Variants in ESRRG observed in about 807,000 individuals in gnomAD.
ESRRG encodes estrogen-related receptor gamma.
ESRRG carries 13 observed loss-of-function variants against 44.0 expected under a neutral mutation model. That is an observed-to-expected ratio of 0.30 (90% confidence interval 0.19 to 0.47). The LOEUF (loss-of-function observed/expected upper bound fraction) is 0.47. Among genes scored for constraint, ESRRG ranks in the 20% least tolerant of loss-of-function variants. The pLI is 1.00. For synonymous variants in ESRRG, 215 were observed against 214.6 expected, an observed-to-expected ratio of 1.00 and a Z score of -0.02; for missense variants, 395 against 580.6, an observed-to-expected ratio of 0.68 and a Z score of 3.29.
intron 2 of ESRRG, among the ~76,000 whole-genome samples, chr1:216,660,264 G>C (rs2071936108): frequency 6.6e-6 from 1 of 152,128 alleles, no homozygotes; most frequent in South Asian, 2.1e-4. Flanking sequence ...CTAAAACTGA[G>C]ATATCCCAAC....
At chr1:216,931,835 CAAA>C (rs56050369) in intron 2 of ESRRG, among the ~76,000 whole-genome samples, 1 of 130,976 alleles carries the variant, frequency 7.6e-6, no homozygotes. Context: ...TGAGAAACCA[CAAA>C]AAAAAAAAAA....
chr1:217,053,870 A>G (rs1266132132), intron 1 of ESRRG, among the ~76,000 whole-genome samples: 4 of 152,106 alleles, frequency 2.6e-5, no homozygotes, highest in Admixed American at 2.6e-4. Flanking sequence ...GGCATTTGGA[A>G]ACTCCATGGT....
At chr1:216,998,422 T>G (rs1481640141) in intron 1 of ESRRG, among the ~76,000 whole-genome samples, 1 of 152,208 alleles carries the variant, frequency 6.6e-6, no homozygotes, top group East Asian at 1.9e-4. Flanking sequence ...AATCATATTA[T>G]CATTGTATTA....
chr1:216,678,616 A>G (rs2076507982), intron 1 of ESRRG, among the ~76,000 whole-genome samples: 1 of 152,164 alleles, frequency 6.6e-6, no homozygotes. Flanking sequence ...ATTTCTGGAA[A>G]GGTAATTAGA....
chr1:216,721,036 A>G (rs2152064220), intron 1 of ESRRG, among the ~76,000 whole-genome samples: 1 of 152,350 alleles, frequency 6.6e-6, no homozygotes, highest in Non-Finnish European at 1.5e-5. Flanking sequence ...ACTGACACAT[A>G]TGTCAAAATG....
At chr1:216,609,970 TCACC>T (rs1220822024) in intron 3 of ESRRG, among the ~76,000 whole-genome samples, 1 of 152,186 alleles carries the variant, frequency 6.6e-6, no homozygotes, top group Non-Finnish European at 1.5e-5. Flanking sequence ...CTGGCATTTA[TCACC>T]TCTCAAGAGT....
intron 6 of ESRRG, among the ~76,000 whole-genome samples, chr1:216,516,132 A>T (rs2044192797): frequency 1.3e-5 from 2 of 152,138 alleles, no homozygotes; most frequent in South Asian, 4.1e-4. Flanking sequence ...TATATCAGAG[A>T]TGTAATAATT....
intron 3 of ESRRG, among the ~76,000 whole-genome samples, chr1:216,586,753 A>ATTT (rs35621787): frequency 6.6e-6 from 1 of 151,544 alleles, no homozygotes; most frequent in African/African-American, 2.4e-5. Context: ...TTTTTTTTGT[A>ATTT]TTTTGTAGAG....
chr1:217,070,611 C>A (rs2090433474), intron 1 of ESRRG, among the ~76,000 whole-genome samples: 1 of 152,176 alleles, frequency 6.6e-6, no homozygotes, highest in South Asian at 2.1e-4. Context: ...GAACCCCTGA[C>A]CTCAGGTTAT....
chr1:216,607,375 A>G (rs997143322), intron 3 of ESRRG, among the ~76,000 whole-genome samples: 3 of 151,488 alleles, frequency 2.0e-5, no homozygotes, highest in Non-Finnish European at 4.4e-5. Flanking sequence ...CTGCGGCATC[A>G]GCCTAACTTA....
intron 2 of ESRRG, among the ~76,000 whole-genome samples, chr1:216,761,150 C>G (rs1222538209): frequency 6.8e-6 from 1 of 146,460 alleles, no homozygotes; most frequent in Non-Finnish European, 1.5e-5. Context: ...CCTGATAAAC[C>G]TACTACACAA....
At chr1:216,789,495 AT>A (rs2094243568) in intron 2 of ESRRG, among the ~76,000 whole-genome samples, 1 of 152,166 alleles carries the variant, frequency 6.6e-6, no homozygotes, top group South Asian at 2.1e-4. Flanking sequence ...TAAGCATAAC[AT>A]TTTTGACCAG....
At chr1:216,801,143 A>G (rs971846306) in intron 2 of ESRRG, among the ~76,000 whole-genome samples, 1 of 152,190 alleles carries the variant, frequency 6.6e-6, no homozygotes, top group Non-Finnish European at 1.5e-5. Context: ...TTTTAGCAAA[A>G]ATTCCAAATA....
intron 2 of ESRRG, among the ~76,000 whole-genome samples, chr1:216,847,810 G>C (rs188243092): frequency 1.3e-5 from 2 of 152,186 alleles, no homozygotes; most frequent in Admixed American, 6.5e-5. Flanking sequence ...TTGGGCATCT[G>C]GTTGGCAAGA....
intron 2 of ESRRG, among the ~76,000 whole-genome samples, chr1:216,797,926 G>A (rs1410471278): frequency 1.3e-5 from 2 of 152,050 alleles, no homozygotes; most frequent in Admixed American, 1.3e-4. Flanking sequence ...ATAGGGCAGA[G>A]TATCTATAGG....
In ESRRG at chr1:216,503,258, T is replaced by C. The variant is rs1010579086; in HGVS notation, c.*3681A>G. On this transcript the variant is annotated 3_prime_UTR_variant, in exon 7 of 7. Coordinates refer to ENST00000408911, the MANE Select transcript of ESRRG (RefSeq NM_001438.4). The stretch of plus-strand genomic sequence containing the variant: ...CACAATACAAAAGAGCAGTCAAAAG[T>C]GGAAGCTTGTTTAATATTGCTCTAC... 2 of 152,142 alleles carry C rather than the reference T, an allele frequency of 1.3e-5. No individual in the cohort carries two copies. The highest frequency in any genetic ancestry group is 4.8e-5 in the African/African-American group (2 of 41,324). The allele number at this position is 152,142 out of a possible 1,614,324, so 9.4% of individuals were successfully genotyped here. A position where few individuals can be genotyped will look rare whatever the true frequency, so the allele number is the denominator to read the frequency against.
intron 6 of ESRRG, among the ~76,000 whole-genome samples, chr1:216,508,980 C>T (rs2041965008): frequency 1.3e-5 from 2 of 152,132 alleles, no homozygotes; most frequent in Admixed American, 1.3e-4. Context: ...TTACACTCTG[C>T]AGTGACAAAA....
chr1:216,763,751 T>TG (rs1189069662), intron 2 of ESRRG, among the ~76,000 whole-genome samples: 1 of 152,122 alleles, frequency 6.6e-6, no homozygotes, highest in Non-Finnish European at 1.5e-5. Flanking sequence ...TCCCAACAGA[T>TG]GTAGAGGTGG....
chr1:216,854,086 C>A (rs2095880544), intron 2 of ESRRG, among the ~76,000 whole-genome samples: 1 of 151,942 alleles, frequency 6.6e-6, no homozygotes, highest in African/African-American at 2.4e-5. Flanking sequence ...TGGCAGGGTG[C>A]GGTGGCTCAT....
Sources: allele counts gnomAD v4.1 joint callset (sites outside exome capture counted in the v4.1 genomes callset), GRCh38; gene constraint gnomAD v4.1.1; transcripts MANE v1.5; gene names NCBI Gene and HGNC (gene_info 2026-07-23, HGNC 2026-07-21).